Variants in CHSY3 observed in about 807,000 individuals in gnomAD.
The protein encoded by CHSY3 is N-acetylgalactosaminyl-proteoglycan 3-beta-glucuronosyltransferase 3.
In CHSY3, 35 loss-of-function variants were observed where a neutral mutation model predicts 67.2. The observed-to-expected ratio is 0.52, with a 90% confidence interval of 0.40 to 0.69. The LOEUF (loss-of-function observed/expected upper bound fraction) is 0.69. Ranked by LOEUF, CHSY3 falls within the 30% of genes least tolerant of loss-of-function variation. CHSY3 has a pLI of 0.00. For missense variants in CHSY3, 1,069 were observed against 1,138.5 expected (o/e 0.94, Z 0.88); for synonymous variants, 474 against 434.7 (o/e 1.09, Z -1.12).
chr5:130,124,171 A>C (rs765090110), intron 2 of CHSY3, among the ~76,000 whole-genome samples: 1 of 151,960 alleles, frequency 6.6e-6, no homozygotes, highest in Non-Finnish European at 1.5e-5. Context: ...TTTTTTGGAT[A>C]GCTCTTAAGT....
At chr5:129,905,690 C>T in intron 1 of CHSY3, 59 bp downstream of exon 1, 1 of 1,573,950 alleles carries the variant, frequency 6.4e-7, no homozygotes, top group East Asian at 2.3e-5. Context: ...TTCTCTGTAA[C>T]CGGTCCTAGC....
intron 2 of CHSY3, among the ~76,000 whole-genome samples, chr5:129,953,209 A>G (rs563632382): frequency 1.8e-4 from 28 of 151,974 alleles, no homozygotes; most frequent in Middle Eastern, 3.2e-3. Flanking sequence ...AACTCCCACT[A>G]ATGAGTGAGA....
rs936307616 is a variant in CHSY3, at chr5:129,904,771, G to C, written c.-59G>C. The C allele has an allele frequency of 6.1e-6, 8 of 1,307,878 alleles. No individual in the cohort carries two copies. Among genetic ancestry groups the C allele is most frequent in the Admixed American group, 3.8e-5 (1 of 26,324 alleles). 81.0% of individuals were successfully genotyped at this position (1,307,878 alleles called of 1,614,324 possible). On this transcript the variant is annotated 5_prime_UTR_variant, in exon 1 of 3. Coordinates refer to ENST00000305031, the MANE Select transcript of CHSY3 (RefSeq NM_175856.5). ...GCGGAGGAGGGGCGGGTGTGAGCCG[G>C]GGAAACCGCGTGCCGCGCCGCGACA...
At chr5:130,089,041 C>A (rs1766776409) in intron 2 of CHSY3, among the ~76,000 whole-genome samples, 1 of 151,816 alleles carries the variant, frequency 6.6e-6, no homozygotes, top group South Asian at 2.1e-4. Context: ...ACTATGTAGC[C>A]ATAAAAAATG....
chr5:129,998,575 T>A (rs951481213), intron 2 of CHSY3, among the ~76,000 whole-genome samples: 2 of 152,184 alleles, frequency 1.3e-5, no homozygotes, highest in African/African-American at 4.8e-5. Flanking sequence ...TATAGGTTGA[T>A]TGCTCAAATT....
chr5:130,178,055 G>T (rs1448204204), intron 2 of CHSY3, among the ~76,000 whole-genome samples: 5 of 149,170 alleles, frequency 3.4e-5, no homozygotes, highest in Non-Finnish European at 1.5e-5. Context: ...TTATATTTTG[G>T]TTTTTCTACA....
intron 2 of CHSY3, among the ~76,000 whole-genome samples, chr5:129,978,265 A>G (rs1466221055): frequency 6.6e-6 from 1 of 152,164 alleles, no homozygotes; most frequent in Non-Finnish European, 1.5e-5. Context: ...TATTTATGGT[A>G]TGTCTTTGAT....
chr5:129,962,228 C>A (rs550243610), intron 2 of CHSY3, among the ~76,000 whole-genome samples: 1 of 151,986 alleles, frequency 6.6e-6, no homozygotes, highest in African/African-American at 2.4e-5. Context: ...TCAAGCCTTG[C>A]CTTTTCTTCT....
chr5:129,991,103 T>C (rs1162129165), intron 2 of CHSY3, among the ~76,000 whole-genome samples: 2 of 152,140 alleles, frequency 1.3e-5, no homozygotes, highest in African/African-American at 2.4e-5. Flanking sequence ...TTGGGGAGGT[T>C]GCAGGTCTTT....
At chr5:130,061,234 A>T (rs530519522) in intron 2 of CHSY3, among the ~76,000 whole-genome samples, 2 of 152,290 alleles carry the variant, frequency 1.3e-5, no homozygotes, top group South Asian at 4.1e-4. Flanking sequence ...ATGGATCAGA[A>T]TGGAGAACCC....
intron 2 of CHSY3, among the ~76,000 whole-genome samples, chr5:130,132,426 CAAG>C (rs1768511459): frequency 6.6e-6 from 1 of 151,328 alleles, no homozygotes; most frequent in Non-Finnish European, 1.5e-5. Flanking sequence ...AAGTCTGGAA[CAAG>C]AAGAAATAAT....
intron 2 of CHSY3, among the ~76,000 whole-genome samples, chr5:129,943,205 A>T (rs1025492720): frequency 2.6e-5 from 4 of 152,140 alleles, no homozygotes; most frequent in African/African-American, 4.8e-5. Context: ...ACTAATATGG[A>T]GCTAATGCAT....
chr5:130,097,950 G>A (rs540411723), intron 2 of CHSY3, among the ~76,000 whole-genome samples: 1 of 152,252 alleles, frequency 6.6e-6, no homozygotes, highest in South Asian at 2.1e-4. Context: ...CTTGCAGTGA[G>A]CCGAGATCGC....
intron 2 of CHSY3, among the ~76,000 whole-genome samples, chr5:130,018,700 T>G (rs2149651800): frequency 6.6e-6 from 1 of 152,268 alleles, no homozygotes; most frequent in South Asian, 2.1e-4. Context: ...TTAGATATGG[T>G]TTGTTTGTCC....
At chr5:129,952,064 C>T (rs1440736871) in intron 2 of CHSY3, among the ~76,000 whole-genome samples, 1 of 152,048 alleles carries the variant, frequency 6.6e-6, no homozygotes, top group Non-Finnish European at 1.5e-5. Flanking sequence ...GCGATAAGAA[C>T]CCATAAATAT....
rs190744291 is a variant in CHSY3, at chr5:130,124,824, T to C, written c.1087-59405T>C. 9.3e-4 allele frequency among the ~76,000 whole-genome samples: 141 copies of C among 152,282 alleles called. 1 individual carries two copies. The highest frequency in any genetic ancestry group is 2.7e-3 in the African/African-American group (112 of 41,558). ...TATGTAAAATTGCATGTTTTGCACA[T>C]GTACCCCAGAACTGAAAGTATAATA... On this transcript the variant is annotated intron_variant, in intron 2 of 2. Coordinates refer to ENST00000305031, the MANE Select transcript of CHSY3 (RefSeq NM_175856.5).
rs149190704 is a variant in CHSY3, at chr5:129,932,241, G to A, written c.1086+23881G>A. ...GGGGCTGGCAAGTTTAAAATCTGCA[G>A]GACAGGCTGAAAGATGGGAAATTCT... is the stretch of plus-strand genomic sequence containing the variant. On this transcript the variant is annotated intron_variant, in intron 2 of 2. Coordinates refer to ENST00000305031, the MANE Select transcript of CHSY3 (RefSeq NM_175856.5). 9.9e-3 allele frequency among the ~76,000 whole-genome samples: 1,495 copies of A among 150,720 alleles called. 31 individuals are homozygous for A. The highest frequency in any genetic ancestry group is 0.034 in the African/African-American group (1,406 of 40,918).
At chr5:130,081,877 C>T (rs1463678045) in intron 2 of CHSY3, among the ~76,000 whole-genome samples, 2 of 152,220 alleles carry the variant, frequency 1.3e-5, no homozygotes, top group South Asian at 2.1e-4. Flanking sequence ...TGGACTAATA[C>T]ATTCCCAATC....
At chr5:130,163,708 G>T (rs922077849) in intron 2 of CHSY3, among the ~76,000 whole-genome samples, 1 of 152,160 alleles carries the variant, frequency 6.6e-6, no homozygotes, top group Non-Finnish European at 1.5e-5. Flanking sequence ...AAACTTAACA[G>T]TTTAACTGTG....
Sources: allele counts gnomAD v4.1 joint callset (sites outside exome capture counted in the v4.1 genomes callset), GRCh38; gene constraint gnomAD v4.1.1; transcripts MANE v1.5; gene names NCBI Gene and HGNC (gene_info 2026-07-23, HGNC 2026-07-21).